Variants in CYP4X1 observed in about 807,000 individuals in gnomAD.
CYP4X1 encodes cytochrome P450 family 4 subfamily X member 1, also known as cytochrome P450 4X1.
A neutral mutation model predicts 57.9 loss-of-function variants in CYP4X1; 44 were observed. That is an observed-to-expected ratio of 0.76 (90% CI 0.60 to 0.98). CYP4X1 has a LOEUF of 0.98. CYP4X1 is among the 50% of genes least tolerant of loss of function. CYP4X1 has a pLI of 0.00. For synonymous variants in CYP4X1, 227 were observed against 228.6 expected (o/e 0.99, Z 0.06); for missense variants, 532 against 623.9 (o/e 0.85, Z 1.57).
chr1:47,031,509 C>T (rs1644123436), intron 3 of CYP4X1, 29 bp downstream of exon 3: 1 of 1,608,592 alleles, frequency 6.2e-7, no homozygotes, highest in Non-Finnish European at 8.5e-7. Flanking sequence ...GAGGTATAAC[C>T]CACTCTCATT....
chr1:47,053,615 T>C (rs1424755070), downstream of CYP4X1, among the ~76,000 whole-genome samples: 5 of 152,248 alleles, frequency 3.3e-5, no homozygotes, highest in Non-Finnish European at 2.9e-5. Context: ...CCATTCTAAC[T>C]GGTATGAGAT....
chr1:47,038,268 T>G (rs1244100507), intron 6 of CYP4X1, among the ~76,000 whole-genome samples: 1 of 152,176 alleles, frequency 6.6e-6, no homozygotes, highest in Non-Finnish European at 1.5e-5. Context: ...TTTGTTTTGT[T>G]TTTTTTCTCT....
the CYP4X1 span, among the ~76,000 whole-genome samples, chr1:46,979,750 C>T: frequency 1.3e-5 from 2 of 152,182 alleles, no homozygotes; most frequent in Non-Finnish European, 2.9e-5. Flanking sequence ...CAAACCGAAT[C>T]CAGCAGCACA....
In CYP4X1 at chr1:47,023,970, C is replaced by A. The variant is rs367790270; in HGVS notation, c.153C>A (p.Thr51=). 4 of 1,612,926 alleles carry A rather than the reference C, an allele frequency of 2.5e-6. No homozygotes were observed. In the South Asian group the frequency reaches 3.3e-5, roughly 13 times the overall value. ...TGCGCCCCTTCCCAGCGCCCCCCAC[C>A]CACTGGTTCCTTGGGCACCAGAAGG... is the stretch of plus-strand genomic sequence containing the variant. ...RDLRPFPAPP[T]HWFLGHQKFI... The change falls in exon 1 of 12, where the codon ACC becomes ACA. Residue 51 remains threonine, a synonymous_variant. Coordinates refer to ENST00000371901, the MANE Select transcript of CYP4X1 (RefSeq NM_178033.2).
the CYP4X1 span, among the ~76,000 whole-genome samples, chr1:46,985,627 A>G: frequency 6.6e-6 from 1 of 152,186 alleles, no homozygotes; most frequent in Non-Finnish European, 1.5e-5. Flanking sequence ...TCCGGCTGGC[A>G]TCTGGTGGGT....
At chr1:47,034,035 TG>T (rs1190887979) in intron 4 of CYP4X1, among the ~76,000 whole-genome samples, 1 of 152,232 alleles carries the variant, frequency 6.6e-6, no homozygotes, top group Non-Finnish European at 1.5e-5. Context: ...AGTATGGAGT[TG>T]CGTTAACTTC....
the CYP4X1 span, among the ~76,000 whole-genome samples, chr1:46,977,850 C>T: frequency 6.6e-6 from 1 of 151,976 alleles, no homozygotes; most frequent in Non-Finnish European, 1.5e-5. Context: ...AATTTTCAAC[C>T]CAGAATTTCA....
the CYP4X1 span, chr1:46,961,791 C>A: frequency 3.4e-5 from 44 of 1,296,500 alleles, no homozygotes; most frequent in Non-Finnish European, 4.2e-5. Context: ...CCTTGCCCAC[C>A]CCAGACCCTT....
At chr1:47,024,033 G>T (rs761891775) in intron 1 of CYP4X1, 39 bp downstream of exon 1, 10 of 1,584,060 alleles carry the variant, frequency 6.3e-6, no homozygotes, top group African/African-American at 1.3e-5. Flanking sequence ...GGAGGGAGGG[G>T]CGGAGGAGGA....
chr1:46,967,971 C>T, the CYP4X1 span: 1 of 301,614 alleles, frequency 3.3e-6, no homozygotes, highest in South Asian at 1.3e-4. Context: ...GTTCACTCTT[C>T]CACAGTGTGT....
Position 47,036,006 on chromosome 1 carries a change from T to C in CYP4X1, c.621-11T>C, listed in dbSNP as rs1280658094. 1.2e-6 allele frequency: 2 copies of C among 1,610,276 alleles called. No homozygotes were observed. The highest frequency in any genetic ancestry group is 3.3e-5 in the Admixed American group (2 of 59,794). The stretch of plus-strand genomic sequence containing the variant: ...TGTTTATTAACACATTATCCCAACT[T>C]TCTCTTCTAGCACCCATGATCCTTA... On this transcript the variant is annotated splice_polypyrimidine_tract_variant and intron_variant, in intron 5 of 11. Transcript: ENST00000371901.
chr1:46,997,109 T>C, the CYP4X1 span, among the ~76,000 whole-genome samples: 1 of 152,104 alleles, frequency 6.6e-6, no homozygotes, highest in South Asian at 2.1e-4. Context: ...ATCTTGTTTA[T>C]GTCTACTCCT....
At chr1:46,962,398 G>T in the CYP4X1 span, among the ~76,000 whole-genome samples, 1 of 152,174 alleles carries the variant, frequency 6.6e-6, no homozygotes, top group Non-Finnish European at 1.5e-5. Context: ...GATTACAGGA[G>T]TGAGCCACCT....
intron 8 of CYP4X1, among the ~76,000 whole-genome samples, chr1:47,040,274 A>T (rs1041499527): frequency 3.3e-5 from 5 of 152,132 alleles, no homozygotes; most frequent in Non-Finnish European, 5.9e-5. Context: ...TGACTGCAGG[A>T]TAAGTAGGAG....
At chr1:46,995,074 A>C in the CYP4X1 span, among the ~76,000 whole-genome samples, 1 of 152,098 alleles carries the variant, frequency 6.6e-6, no homozygotes, top group Non-Finnish European at 1.5e-5. Context: ...TCCACCCTTC[A>C]GTCATCGCCC....
At chr1:46,972,544 G>A in the CYP4X1 span, among the ~76,000 whole-genome samples, 6 of 152,094 alleles carry the variant, frequency 3.9e-5, no homozygotes, top group Non-Finnish European at 7.4e-5. Context: ...CCATTTTAAC[G>A]ATATTGATTC....
the CYP4X1 span, among the ~76,000 whole-genome samples, chr1:46,980,183 A>G: frequency 2.0e-5 from 3 of 152,228 alleles, no homozygotes; most frequent in Non-Finnish European, 4.4e-5. Context: ...GATGAAGTCA[A>G]ATTGTCCCTG....
At chr1:47,042,078 T>G (rs949989983) in intron 8 of CYP4X1, among the ~76,000 whole-genome samples, 13 of 152,100 alleles carry the variant, frequency 8.5e-5, no homozygotes, top group African/African-American at 1.2e-4. Flanking sequence ...TGTAGATCAG[T>G]TGACAATAAA....
At chr1:47,001,477 G>A in the CYP4X1 span, among the ~76,000 whole-genome samples, 3 of 152,098 alleles carry the variant, frequency 2.0e-5, no homozygotes, top group African/African-American at 7.2e-5. Flanking sequence ...AGACCGACAG[G>A]CACCCAGATC....
Sources: allele counts gnomAD v4.1 joint callset (sites outside exome capture counted in the v4.1 genomes callset), GRCh38; gene constraint gnomAD v4.1.1; transcripts MANE v1.5; gene names NCBI Gene and HGNC (gene_info 2026-07-23, HGNC 2026-07-21).